Variants in NT5C3A observed in about 807,000 individuals in gnomAD.
The protein encoded by NT5C3A is cytosolic 5'-nucleotidase 3A.
In NT5C3A, 23 loss-of-function variants were observed where a neutral mutation model predicts 40.0. The observed-to-expected ratio is 0.58, with a 90% CI of 0.41 to 0.81. The LOEUF is 0.81. NT5C3A is among the 40% of genes least tolerant of loss of function. NT5C3A has a pLI of 0.00. For synonymous variants in NT5C3A, 130 were observed against 141.4 expected, an observed-to-expected ratio of 0.92 and a Z score of 0.57; for missense variants, 328 against 403.0, an observed-to-expected ratio of 0.81 and a Z score of 1.59.
intron 5 of NT5C3A, 109 bp from the exon 6 acceptor site, chr7:33,019,833 G>C: frequency 1.4e-6 from 1 of 719,948 alleles, no homozygotes; most frequent in Non-Finnish European, 2.5e-6. Flanking sequence ...CTCATATTTG[G>C]ATTTAAATTT....
At chr7:33,035,623 C>A (rs1268598891) in intron 1 of NT5C3A, among the ~76,000 whole-genome samples, 2 of 152,132 alleles carry the variant, frequency 1.3e-5, no homozygotes, top group Non-Finnish European at 2.9e-5. Flanking sequence ...AATTTGGAAA[C>A]CTACAATAAT....
intron 1 of NT5C3A, among the ~76,000 whole-genome samples, chr7:33,030,381 C>G (rs1786178549): frequency 6.6e-6 from 1 of 152,140 alleles, no homozygotes; most frequent in African/African-American, 2.4e-5. Context: ...TATAAAAACA[C>G]AGACTTGGTT....
chr7:33,033,961 G>C (rs1439140115), intron 1 of NT5C3A, among the ~76,000 whole-genome samples: 2 of 149,612 alleles, frequency 1.3e-5, no homozygotes, highest in East Asian at 3.9e-4. Context: ...GCGCCTCTCA[G>C]CTCACTGCAA....
In NT5C3A at chr7:33,014,656, GTC is replaced by G; in HGVS notation, c.*72_*73del. On this transcript the variant is annotated 3_prime_UTR_variant, in exon 9 of 9. Transcript: ENST00000610140. ...GAGAGTAAGGATATATTATAAATAAGTCTCTCAGCAAGATGAACGGATGAACA... is the reference window on the plus strand; with the variant it reads ...GAGAGTAAGGATATATTATAAATAAGTCTCAGCAAGATGAACGGATGAACA... 2 of 1,585,958 alleles carry G rather than the reference GTC, an allele frequency of 1.3e-6. No individual in the cohort carries two copies. The highest frequency in any genetic ancestry group is 4.5e-5 in the East Asian group (2 of 44,324).
intron 1 of NT5C3A, chr7:33,035,956 T>C: frequency 6.2e-7 from 1 of 1,613,480 alleles, no homozygotes; most frequent in Non-Finnish European, 8.5e-7. Context: ...TACGGCAGAC[T>C]CTTGATTAGT....
intron 1 of NT5C3A, chr7:33,036,260 C>T (rs878911214): frequency 4.6e-5 from 20 of 437,194 alleles, no homozygotes; most frequent in South Asian, 4.2e-4. Context: ...GATGGAAACA[C>T]CGGCGGCACA....
intron 1 of NT5C3A, among the ~76,000 whole-genome samples, chr7:33,055,052 T>C (rs1296118253): frequency 6.6e-6 from 1 of 152,182 alleles, no homozygotes; most frequent in Non-Finnish European, 1.5e-5. Context: ...CTATCGGGCA[T>C]GGTGGCTCAC....
rs754713471 is a variant in NT5C3A at position 33,029,653 on chromosome 7, T to G, written c.139-2738A>C. On this transcript the variant is annotated intron_variant, in intron 1 of 8. Transcript: ENST00000610140. ...CCTCAGGCAAATCACAGCTTCAAGTTTTTGATAACGGATAGGAGAATCACA... is the reference window on the plus strand; with the variant it reads ...CCTCAGGCAAATCACAGCTTCAAGTGTTTGATAACGGATAGGAGAATCACA... The G allele has an allele frequency of 1.5e-5, 19 of 1,289,966 alleles. No homozygotes were observed. The African/African-American group carries it at 2.7e-4, about 19-fold the overall frequency. The allele number at this position is 1,289,966 out of a possible 1,614,324, so 79.9% of individuals were successfully genotyped here.
intron 1 of NT5C3A, among the ~76,000 whole-genome samples, chr7:33,058,641 G>GCGCCT (rs1787662398): frequency 6.6e-6 from 1 of 152,180 alleles, no homozygotes; most frequent in East Asian, 1.9e-4. Context: ...GGGAGCCGCC[G>GCGCCT]CGCCTGGCCC....
chr7:33,017,182 C>CAAAAAAAAAAAA (rs11286607), intron 7 of NT5C3A: 1 of 299,780 alleles, frequency 3.3e-6, no homozygotes. Flanking sequence ...GACTCCATCT[C>CAAAAAAAAAAAA]AAAAAAAAAA....
In NT5C3A at chr7:33,022,062, A is replaced by G. The variant is rs776173292; in HGVS notation, c.345T>C (p.Cys115=). The G allele has an allele frequency of 2.0e-6, 3 of 1,533,038 alleles. No homozygotes were observed. The highest frequency in any genetic ancestry group is 1.4e-5 in the African/African-American group (1 of 73,400). The allele number at this position is 1,533,038 out of a possible 1,614,324, so 95.0% of individuals were successfully genotyped here. ...TGTTGTTAGTGTTTACCTTTTTTCT[A>G]CATTCATCTGTAACCAGCTTACAGT... ...IDNCKLVTDE[C]RKKLLQLKEK... The change falls in exon 4 of 9, where the codon TGT becomes TGC. Residue 115 remains cysteine, a synonymous_variant. Transcript: ENST00000610140.
chr7:33,061,905 C>A (rs1787793526), intron 1 of NT5C3A, among the ~76,000 whole-genome samples: 1 of 151,862 alleles, frequency 6.6e-6, no homozygotes, highest in South Asian at 2.1e-4. Context: ...CTTGAGACAC[C>A]CTCTTCAATA....
Position 33,017,445 on chromosome 7 carries a change from A to G in NT5C3A, c.687T>C (p.Asp229=), listed in dbSNP as rs1313976664. 1 of 1,606,676 alleles carries G rather than the reference A, an allele frequency of 6.2e-7. No homozygotes were observed. The highest frequency in any genetic ancestry group is 1.7e-5 in the Admixed American group (1 of 59,946). Residue 229 remains aspartate, a synonymous_variant, in exon 7 of 9, where the codon GAT becomes GAC. Transcript: ENST00000610140. ...VKVVSNFMDF[D]ETGVLKGFKG... ...AACGATTTGATATTCTTACAGTTTC[A>G]TCAAAATCCATAAAATTGGACACAA...
chr7:33,036,187 G>A (rs552088016), intron 1 of NT5C3A: 4 of 584,772 alleles, frequency 6.8e-6, no homozygotes, highest in Admixed American at 2.9e-5. Flanking sequence ...TGGATGCCTT[G>A]GATAATCCAT....
intron 4 of NT5C3A, 139 bp from the exon 5 acceptor site, chr7:33,021,496 ATT>A: frequency 9.0e-7 from 1 of 1,109,206 alleles, no homozygotes; most frequent in East Asian, 2.6e-5. Flanking sequence ...TTGAAAAAAT[ATT>A]TGTTGATCTT....
intron 1 of NT5C3A, among the ~76,000 whole-genome samples, chr7:33,042,400 G>A (rs1029723087): frequency 6.6e-6 from 1 of 151,842 alleles, no homozygotes; most frequent in African/African-American, 2.4e-5. Flanking sequence ...TCTACCAAAC[G>A]TGAAACCTTT....
chr7:33,017,268 G>T, intron 7 of NT5C3A, 171 bp downstream of exon 7: 1 of 580,702 alleles, frequency 1.7e-6, no homozygotes. Flanking sequence ...AGGGCACATT[G>T]TTTTTAAAAT....
chr7:33,045,885 G>GACCT (rs1787125728), intron 1 of NT5C3A: 1 of 152,228 alleles, frequency 6.6e-6, no homozygotes, highest in African/African-American at 2.4e-5. Context: ...TAGGAGTATG[G>GACCT]ACCTGCTCTG....
chr7:33,056,310 T>C (rs1787563621), intron 1 of NT5C3A, among the ~76,000 whole-genome samples: 1 of 151,610 alleles, frequency 6.6e-6, no homozygotes, highest in East Asian at 1.9e-4. Context: ...TAAGCACTGA[T>C]ATAAATTAGA....
Sources: gnomAD v4.1 joint callset for allele counts (sites outside exome capture counted in the v4.1 genomes callset) on GRCh38, gnomAD v4.1.1 for gene constraint, MANE v1.5 for transcripts, NCBI Gene and HGNC (gene_info 2026-07-23, HGNC 2026-07-21) for gene names.